The following CELF2 variants were observed in gnomAD, a reference collection of about 807,000 sequenced individuals.
CELF2 encodes the protein CUGBP Elav-like family member 2.
CELF2 carries 8 observed loss-of-function variants against 62.6 expected under a neutral mutation model. The ratio of observed to expected loss-of-function variants is 0.13; its 90% CI spans 0.07 to 0.23. The LOEUF (loss-of-function observed/expected upper bound fraction) is 0.23. CELF2 is among the 10% of genes least tolerant of loss of function. The probability of loss-of-function intolerance (pLI) is 1.00; values close to 1 mark genes in which losing one functional copy is unlikely to be tolerated. For synonymous variants in CELF2, 258 were observed against 250.0 expected, an observed-to-expected ratio of 1.03 and a Z score of -0.30; for missense variants, 333 against 671.0, an observed-to-expected ratio of 0.50 and a Z score of 5.56.
chr10:10,962,055 C>T (rs1325830012), intron 2 of CELF2, among the ~76,000 whole-genome samples: 1 of 151,072 alleles, frequency 6.6e-6, no homozygotes, highest in Non-Finnish European at 1.5e-5. Context: ...TTATAGGAGA[C>T]CCCATCTCTA....
At chr10:11,249,816 G>A (rs1311792587) in intron 4 of CELF2, among the ~76,000 whole-genome samples, 1 of 152,190 alleles carries the variant, frequency 6.6e-6, no homozygotes, top group East Asian at 1.9e-4. Context: ...TGAGAGAGTT[G>A]ATAGCCACAT....
chr10:10,768,215 T>C, the CELF2 span, among the ~76,000 whole-genome samples: 6 of 151,000 alleles, frequency 4.0e-5, no homozygotes, highest in African/African-American at 7.3e-5. Flanking sequence ...ATCCAATTGG[T>C]GAAACATTTG....
chr10:11,022,324 C>G (rs1234547792), intron 1 of CELF2, among the ~76,000 whole-genome samples: 1 of 152,048 alleles, frequency 6.6e-6, no homozygotes, highest in African/African-American at 2.4e-5. Context: ...TTGATCTGGG[C>G]AGAGGTATTA....
At chr10:11,288,775 G>A (rs1159354866) in intron 9 of CELF2, among the ~76,000 whole-genome samples, 1 of 152,184 alleles carries the variant, frequency 6.6e-6, no homozygotes, top group Non-Finnish European at 1.5e-5. Flanking sequence ...TTTTCAGTGA[G>A]AATCCACTGT....
At chr10:10,646,205 A>G in the CELF2 span, among the ~76,000 whole-genome samples, 1 of 152,230 alleles carries the variant, frequency 6.6e-6, no homozygotes, top group Admixed American at 6.5e-5. Flanking sequence ...TACAAAGAGT[A>G]GAGTCTGGAA....
chr10:10,511,562 T>A, the CELF2 span, among the ~76,000 whole-genome samples: 1 of 152,170 alleles, frequency 6.6e-6, no homozygotes, highest in African/African-American at 2.4e-5. Flanking sequence ...TAATGATAGT[T>A]AAGTAAATAA....
chr10:11,327,484 A>C (rs551825633), intron 12 of CELF2, among the ~76,000 whole-genome samples: 1 of 152,276 alleles, frequency 6.6e-6, no homozygotes, highest in South Asian at 2.1e-4. Context: ...GTGGAACGCT[A>C]TAGCACCCAG....
the CELF2 span, among the ~76,000 whole-genome samples, chr10:10,634,036 G>C: frequency 6.6e-6 from 1 of 151,932 alleles, no homozygotes; most frequent in African/African-American, 2.4e-5. Context: ...CAAGCAGTCT[G>C]CTTTCCTAGA....
At chr10:10,470,069 G>A in the CELF2 span, among the ~76,000 whole-genome samples, 1 of 151,848 alleles carries the variant, frequency 6.6e-6, no homozygotes, top group African/African-American at 2.4e-5. Context: ...TTCTGAACTA[G>A]TACATAGGAA....
rs897706651 is a variant in CELF2 at position 11,333,945 on chromosome 10, G to A, written c.*4892G>A. 1 of 151,260 alleles carries A rather than the reference G, an allele frequency of 6.6e-6. No homozygotes were observed. Among genetic ancestry groups the A allele is most frequent in the Non-Finnish European group, 1.5e-5 (1 of 67,912 alleles). 9.4% of individuals were successfully genotyped at this position (151,260 alleles called of 1,614,324 possible). ...CTCTGGTGGGCCCCTGACAATGACT[G>A]ATTTCAAGTTTGATTTCGGGTTGAT... On this transcript the variant is annotated 3_prime_UTR_variant, in exon 13 of 13. Transcript: ENST00000633077.
intron 1 of CELF2, among the ~76,000 whole-genome samples, chr10:10,822,650 C>T (rs1000089578): frequency 6.6e-6 from 1 of 152,114 alleles, no homozygotes; most frequent in Non-Finnish European, 1.5e-5. Flanking sequence ...AATATATAGA[C>T]CTGATTTACT....
rs147044164 is a variant in CELF2, at chr10:11,073,461, C to T, written c.74+55298C>T. On this transcript the variant is annotated intron_variant, in intron 1 of 12. Transcript: ENST00000633077. ...CCGGGATGTTTAGCAATAGTCACAGCAACATACAGTGGTATGAGGGTCTGG... is the reference window on the plus strand; with the variant it reads ...CCGGGATGTTTAGCAATAGTCACAGTAACATACAGTGGTATGAGGGTCTGG... 8.5e-4 allele frequency among the ~76,000 whole-genome samples: 130 copies of T among 152,300 alleles called. 2 individuals are homozygous for T. The highest frequency in any genetic ancestry group is 3.0e-3 in the African/African-American group (124 of 41,552).
At chr10:10,728,317 G>A in the CELF2 span, among the ~76,000 whole-genome samples, 1 of 151,436 alleles carries the variant, frequency 6.6e-6, no homozygotes, top group Admixed American at 6.6e-5. Flanking sequence ...GCCAGGCGTG[G>A]TGGTGTGCGC....
At chr10:10,778,666 T>A in the CELF2 span, among the ~76,000 whole-genome samples, 1 of 152,208 alleles carries the variant, frequency 6.6e-6, no homozygotes, top group Non-Finnish European at 1.5e-5. Context: ...TTTTGCTGGC[T>A]AATAGCATTG....
At chr10:11,192,888 G>A (rs1399780427) in intron 2 of CELF2, among the ~76,000 whole-genome samples, 3 of 152,336 alleles carry the variant, frequency 2.0e-5, no homozygotes, top group Non-Finnish European at 4.4e-5. Context: ...TGATTCTAAC[G>A]TGCAGCCAAG....
At position 11,058,769 on chromosome 10, in the gene CELF2, TTTTTG is replaced by T. The variant is rs543921917; in HGVS notation, c.74+40630_74+40634del. Among the ~76,000 whole-genome samples, 57 of 151,664 alleles carry T rather than the reference TTTTTG, an allele frequency of 3.8e-4. No individual in the cohort carries two copies. In the Middle Eastern group the frequency reaches 0.01, roughly 27 times the overall value. Reference sequence around the variant, plus strand: ...AGACATGACCCACCGCGCCCGGGCTTTTTTGTTTTGTTTTGTTTTGTTTTGTTTAG... The same window carrying T: ...AGACATGACCCACCGCGCCCGGGCTTTTTTGTTTTGTTTTGTTTTGTTTAG... On this transcript the variant is annotated intron_variant, in intron 1 of 12. Coordinates refer to ENST00000633077, the MANE Select transcript of CELF2 (RefSeq NM_001326342.2).
the CELF2 span, among the ~76,000 whole-genome samples, chr10:10,666,380 G>C: frequency 6.6e-6 from 1 of 152,146 alleles, no homozygotes; most frequent in Admixed American, 6.5e-5. Flanking sequence ...GACCACACAC[G>C]CTCCTCCACC....
In CELF2 at chr10:11,316,829, A is replaced by G. The variant is rs2095034170; in HGVS notation, c.1096+2571A>G. ...GTCAGTAGACAAGTAGCTCAATTAA[A>G]CTGTTTGAGTTTGATATCCTTTTTA... On this transcript the variant is annotated intron_variant, in intron 10 of 12. Coordinates refer to ENST00000633077, the MANE Select transcript of CELF2 (RefSeq NM_001326342.2). The surrounding 1 kb of genome is among the most constrained non-coding windows in gnomAD (Gnocchi z 4.4). 1 of 152,158 alleles carries G rather than the reference A, an allele frequency of 6.6e-6. No individual in the cohort carries two copies. The highest frequency in any genetic ancestry group is 2.4e-5 in the African/African-American group (1 of 41,416). The allele number at this position is 152,158 out of a possible 1,614,324, so 9.4% of individuals were successfully genotyped here.
Position 11,269,379 on chromosome 10 carries a change from C to T in CELF2, c.619-1287C>T, listed in dbSNP as rs1329163777. Among the ~76,000 whole-genome samples, 1 of 151,960 alleles carries T rather than the reference C, an allele frequency of 6.6e-6. No individual in the cohort carries two copies. The highest frequency in any genetic ancestry group is 1.5e-5 in the Non-Finnish European group (1 of 68,000). On this transcript the variant is annotated intron_variant, in intron 6 of 12. Transcript: ENST00000633077. This position sits in a 1 kb window ranked among gnomAD's most constrained non-coding sequence, Gnocchi z 4.4. Reference sequence around the variant, plus strand: ...AACAGACATGATATCCTCATGTATTCAGAACTGCATCCCCAGTAACTACCC... The same window carrying T: ...AACAGACATGATATCCTCATGTATTTAGAACTGCATCCCCAGTAACTACCC...
Sources: gnomAD v4.1 joint callset for allele counts (sites outside exome capture counted in the v4.1 genomes callset) on GRCh38, gnomAD v4.1.1 for gene constraint, Gnocchi (gnomAD v3.1) non-coding constraint, MANE v1.5 for transcripts, NCBI Gene and HGNC (gene_info 2026-07-23, HGNC 2026-07-21) for gene names.